CD163L1: variants seen among roughly 807,000 people sequenced by gnomAD.
CD163L1 encodes the protein scavenger receptor cysteine-rich type 1 protein M160.
Under a neutral mutation model 165.4 loss-of-function variants are expected in CD163L1, and 124 were observed. That is an observed-to-expected ratio of 0.75 (90% CI 0.65 to 0.87). CD163L1 has a LOEUF of 0.87. Ranked by LOEUF, CD163L1 falls within the 40% of genes least tolerant of loss-of-function variation. The pLI, the probability that CD163L1 is intolerant of heterozygous loss-of-function variation, is 0.00. For synonymous variants in CD163L1, 585 were observed against 662.2 expected, an observed-to-expected ratio of 0.88 and a Z score of 1.79; for missense variants, 1,525 against 1,799.9, an observed-to-expected ratio of 0.85 and a Z score of 2.76.
intron 4 of CD163L1, among the ~76,000 whole-genome samples, chr12:7,407,802 C>CAG (rs1948058851): frequency 6.7e-6 from 1 of 150,356 alleles, no homozygotes; most frequent in South Asian, 2.1e-4. Flanking sequence ...CACACACACA[C>CAG]ACACAGACAC....
At chr12:7,382,076 A>T in intron 8 of CD163L1, among the ~76,000 whole-genome samples, 1 of 148,518 alleles carries the variant, frequency 6.7e-6, no homozygotes, top group Middle Eastern at 3.6e-3. Context: ...TTAAATATAT[A>T]TATACACACA....
At chr12:7,349,061 G>C (rs1028537360) in intron 4 of CD163L1, among the ~76,000 whole-genome samples, 3 of 151,996 alleles carry the variant, frequency 2.0e-5, no homozygotes, top group Non-Finnish European at 4.4e-5. Context: ...AACTGGGATG[G>C]ACTTGATTCT....
intron 5 of CD163L1, among the ~76,000 whole-genome samples, chr12:7,405,694 A>G (rs918505010): frequency 1.3e-5 from 2 of 152,198 alleles, no homozygotes; most frequent in African/African-American, 4.8e-5. Flanking sequence ...TATAGGAAAT[A>G]AGATTAAGGC....
the CD163L1 span, among the ~76,000 whole-genome samples, chr12:7,334,118 G>A: frequency 2.7e-5 from 4 of 150,488 alleles, no homozygotes; most frequent in East Asian, 1.9e-4. Context: ...GAAAAAGAGG[G>A]AATCCTCCCT....
At chr12:7,418,787 G>A (rs1948293527) in intron 4 of CD163L1, among the ~76,000 whole-genome samples, 1 of 151,886 alleles carries the variant, frequency 6.6e-6, no homozygotes. Flanking sequence ...TAGGAGATAG[G>A]TAAATTTCTG....
downstream of CD163L1, among the ~76,000 whole-genome samples, chr12:7,343,786 A>G (rs1946651827): frequency 1.3e-5 from 2 of 152,044 alleles, no homozygotes; most frequent in Non-Finnish European, 1.5e-5. Flanking sequence ...TTGCCCCCCA[A>G]ATCTTATGTC....
intron 14 of CD163L1, 30 bp downstream of exon 14, chr12:7,373,290 G>A: frequency 6.4e-7 from 1 of 1,551,332 alleles, no homozygotes; most frequent in Non-Finnish European, 8.8e-7. Flanking sequence ...CAGGGCTTCA[G>A]TGACAGCTGG....
the CD163L1 span, among the ~76,000 whole-genome samples, chr12:7,339,578 C>T: frequency 1.3e-5 from 2 of 152,070 alleles, no homozygotes; most frequent in African/African-American, 2.4e-5. Flanking sequence ...TAGCTAACCC[C>T]ATGCTCAGTT....
chr12:7,442,169 TGAG>T (rs1229784369), intron 1 of CD163L1, among the ~76,000 whole-genome samples: 11 of 152,208 alleles, frequency 7.2e-5, no homozygotes. Flanking sequence ...CCTGTTTACT[TGAG>T]GGGTATGTAA....
chr12:7,398,450 T>C lies in CD163L1; in HGVS notation c.1543A>G (p.Lys515Glu). Residue 515 changes from lysine to glutamate, a missense_variant, in exon 7 of 20, where the codon AAA becomes GAA. Physicochemically the swap from Lys to Glu is moderately conservative, Grantham distance 56. Transcript: ENST00000313599. This position sits in a 1 kb window ranked among gnomAD's most constrained non-coding sequence, Gnocchi z 4.5. ...WSTRNAAVVC[K>E]QLGCGKPLHV... is the part of the protein sequence containing the mutation. ...AAAGGCTTTCCACATCCCAATTGTT[T>C]ACAAACAACAGCTGCATTCCTTGTG... 6.2e-7 allele frequency: 1 copy of C among 1,614,158 alleles called. No individual in the cohort carries two copies.
intron 2 of CD163L1, among the ~76,000 whole-genome samples, chr12:7,435,472 A>T (rs1245669272): frequency 7.9e-5 from 12 of 151,986 alleles, no homozygotes; most frequent in Admixed American, 7.9e-4. Flanking sequence ...ACATGGAGAA[A>T]TGCCTAAACT....
chr12:7,324,122 C>G, the CD163L1 span: 1 of 913,178 alleles, frequency 1.1e-6, no homozygotes, highest in Non-Finnish European at 1.6e-6. Flanking sequence ...AGGCTGCAGG[C>G]TCCAGTCTAG....
the CD163L1 span, among the ~76,000 whole-genome samples, chr12:7,329,830 T>G: frequency 6.6e-6 from 1 of 152,160 alleles, no homozygotes; most frequent in African/African-American, 2.4e-5. Context: ...AGAGCTTGTA[T>G]AACAACCGAG....
rs1007422837 is a variant in CD163L1, at chr12:7,364,201, C to T, written c.4279+3035G>A. Among the ~76,000 whole-genome samples the T allele has an allele frequency of 2.1e-4, 32 of 151,936 alleles. 1 individual carries two copies. ...CAAGAACAAAACCCATATGATCATG[C>T]CAATAGATGCTAAAAAATCATTCAT... On this transcript the variant is annotated intron_variant, in intron 18 of 19. Coordinates refer to ENST00000313599, the MANE Select transcript of CD163L1 (RefSeq NM_174941.6).
At chr12:7,392,124 C>A (rs768553345) in intron 8 of CD163L1, among the ~76,000 whole-genome samples, 1 of 152,136 alleles carries the variant, frequency 6.6e-6, no homozygotes, top group Non-Finnish European at 1.5e-5. Flanking sequence ...AATATATATT[C>A]TTCTCAGCAT....
chr12:7,339,003 C>G, the CD163L1 span, among the ~76,000 whole-genome samples: 1 of 152,020 alleles, frequency 6.6e-6, no homozygotes, highest in Non-Finnish European at 1.5e-5. Flanking sequence ...TAGACCAGCA[C>G]ATAAAGAAAT....
chr12:7,327,144 C>G, the CD163L1 span: 14 of 1,523,226 alleles, frequency 9.2e-6, no homozygotes, highest in Non-Finnish European at 1.2e-5. Flanking sequence ...AAACTAGGGT[C>G]TAAGCTAGAA....
At chr12:7,327,986 C>T in the CD163L1 span, among the ~76,000 whole-genome samples, 5 of 152,042 alleles carry the variant, frequency 3.3e-5, no homozygotes, top group African/African-American at 9.7e-5. Context: ...CTCCATTTCT[C>T]GGGAACAGTA....
intron 2 of CD163L1, chr12:7,439,044 T>C (rs776264010): frequency 2.3e-5 from 37 of 1,602,724 alleles, no homozygotes; most frequent in Non-Finnish European, 2.7e-5. Context: ...TCAGCACTCA[T>C]GGCACTGTCT....
Sources: gnomAD v4.1 joint callset for allele counts (sites outside exome capture counted in the v4.1 genomes callset) on GRCh38, gnomAD v4.1.1 for gene constraint, Gnocchi (gnomAD v3.1) non-coding constraint, MANE v1.5 for transcripts, NCBI Gene and HGNC (gene_info 2026-07-23, HGNC 2026-07-21) for gene names.